Variants in IMMP2L observed in about 807,000 individuals in gnomAD.
The protein encoded by IMMP2L is mitochondrial inner membrane protease subunit 2.
A neutral mutation model predicts 19.3 loss-of-function variants in IMMP2L; 18 were observed. The ratio of observed to expected loss-of-function variants is 0.93; its 90% CI spans 0.64 to 1.38. IMMP2L has a LOEUF of 1.38. Ranked by LOEUF, IMMP2L falls within the 40% of genes most tolerant of loss-of-function variation. The pLI is 0.00. For missense variants in IMMP2L, 233 were observed against 218.2 expected, an observed-to-expected ratio of 1.07 and a Z score of -0.43; for synonymous variants, 76 against 73.0, an observed-to-expected ratio of 1.04 and a Z score of -0.21.
chr7:110,927,377 C>T (rs543418519), intron 4 of IMMP2L, among the ~76,000 whole-genome samples: 12 of 152,138 alleles, frequency 7.9e-5, no homozygotes, highest in African/African-American at 2.9e-4. Context: ...ATTCCTAGAG[C>T]CGGTGAATAT....
At chr7:110,883,966 G>A (rs1809953952) in intron 5 of IMMP2L, among the ~76,000 whole-genome samples, 1 of 151,934 alleles carries the variant, frequency 6.6e-6, no homozygotes, top group African/African-American at 2.4e-5. Flanking sequence ...TAGGAGAACA[G>A]TTCAAATATA....
At chr7:111,215,262 C>T (rs1298255283) in intron 3 of IMMP2L, among the ~76,000 whole-genome samples, 2 of 152,150 alleles carry the variant, frequency 1.3e-5, no homozygotes, top group African/African-American at 4.8e-5. Context: ...GTGAGCCTCC[C>T]ATGCATACTT....
chr7:110,828,687 C>T (rs542429151), intron 5 of IMMP2L, among the ~76,000 whole-genome samples: 3 of 152,094 alleles, frequency 2.0e-5, no homozygotes, highest in Non-Finnish European at 2.9e-5. Context: ...AGATATATCA[C>T]ATGTAAAGTT....
chr7:111,435,764 A>T (rs1449422996), intron 3 of IMMP2L, among the ~76,000 whole-genome samples: 3 of 151,890 alleles, frequency 2.0e-5, no homozygotes, highest in African/African-American at 7.3e-5. Context: ...AGAAGCAGCC[A>T]GCCAATCACA....
At chr7:110,746,850 A>C (rs560061945) in intron 5 of IMMP2L, among the ~76,000 whole-genome samples, 34 of 152,320 alleles carry the variant, frequency 2.2e-4, no homozygotes, top group African/African-American at 7.9e-4. Context: ...GAACTAGAGA[A>C]GCAAGAGCAA....
chr7:111,331,700 T>C (rs571782701), intron 3 of IMMP2L, among the ~76,000 whole-genome samples: 1 of 151,972 alleles, frequency 6.6e-6, no homozygotes, highest in African/African-American at 2.4e-5. Context: ...AATTATCAAT[T>C]TACAATTTTT....
chr7:110,821,458 G>A (rs1584934999), intron 5 of IMMP2L, among the ~76,000 whole-genome samples: 1 of 151,944 alleles, frequency 6.6e-6, no homozygotes, highest in South Asian at 2.1e-4. Context: ...ATGTTAAAGG[G>A]ATTTCACAGA....
At chr7:111,448,442 C>G (rs1213732483) in intron 3 of IMMP2L, among the ~76,000 whole-genome samples, 1 of 151,042 alleles carries the variant, frequency 6.6e-6, no homozygotes, top group South Asian at 2.1e-4. Context: ...ACTGAACAAC[C>G]TGCTCCTGAA....
At chr7:111,017,554 G>C (rs115853491) in intron 3 of IMMP2L, among the ~76,000 whole-genome samples, 1 of 152,138 alleles carries the variant, frequency 6.6e-6, no homozygotes, top group Non-Finnish European at 1.5e-5. Flanking sequence ...CCCACTCCCA[G>C]ATATGGAAAT....
intron 1 of IMMP2L, among the ~76,000 whole-genome samples, chr7:111,529,451 T>C (rs968177369): frequency 6.6e-6 from 1 of 152,180 alleles, no homozygotes; most frequent in African/African-American, 2.4e-5. Context: ...CAATATTTTA[T>C]AAACAGACAC....
At chr7:110,968,234 T>C (rs1819767042) in intron 3 of IMMP2L, among the ~76,000 whole-genome samples, 1 of 151,816 alleles carries the variant, frequency 6.6e-6, no homozygotes, top group African/African-American at 2.4e-5. Context: ...CAAATCTGGC[T>C]TACAGGAATA....
intron 3 of IMMP2L, among the ~76,000 whole-genome samples, chr7:111,219,239 T>C (rs534583967): frequency 1.4e-4 from 22 of 152,174 alleles, no homozygotes; most frequent in African/African-American, 4.8e-4. Context: ...TTTTGAAATC[T>C]AGAATAATGA....
chr7:111,165,484 T>C (rs1805719466), intron 3 of IMMP2L, among the ~76,000 whole-genome samples: 2 of 152,064 alleles, frequency 1.3e-5, no homozygotes. Flanking sequence ...TTTAACTTTT[T>C]GAGGAAATGC....
At chr7:110,950,866 A>ATATATATATG (rs1294842966) in intron 4 of IMMP2L, among the ~76,000 whole-genome samples, 1 of 134,806 alleles carries the variant, frequency 7.4e-6, no homozygotes, top group Non-Finnish European at 1.6e-5. Context: ...ATATATATAT[A>ATATATATATG]TATATGTATA....
At chr7:110,714,160 C>CT (rs541324870) in intron 5 of IMMP2L, among the ~76,000 whole-genome samples, 52 of 152,260 alleles carry the variant, frequency 3.4e-4, no homozygotes, top group Non-Finnish European at 7.4e-4. Context: ...TTATTGAAGG[C>CT]TTTTTCCAAA....
intron 5 of IMMP2L, among the ~76,000 whole-genome samples, chr7:110,793,648 A>C (rs1562979067): frequency 6.6e-6 from 1 of 152,136 alleles, no homozygotes; most frequent in Non-Finnish European, 1.5e-5. Flanking sequence ...AGAATGAGTA[A>C]GTCTAGAGAT....
chr7:111,298,954 G>C (rs1364978921), intron 3 of IMMP2L, among the ~76,000 whole-genome samples: 1 of 152,106 alleles, frequency 6.6e-6, no homozygotes, highest in African/African-American at 2.4e-5. Flanking sequence ...ATGAGTGTCT[G>C]TTATAAGCAA....
At chr7:111,135,556 T>A (rs1362658970) in intron 3 of IMMP2L, among the ~76,000 whole-genome samples, 2 of 152,172 alleles carry the variant, frequency 1.3e-5, no homozygotes. Flanking sequence ...AGAAAATAAT[T>A]TTAATATTAA....
intron 4 of IMMP2L, among the ~76,000 whole-genome samples, chr7:110,918,819 TTTCTC>T (rs1237203793): frequency 2.6e-5 from 4 of 152,188 alleles, no homozygotes; most frequent in African/African-American, 9.7e-5. Context: ...TTAAAAATAA[TTTCTC>T]TAATAATTTT....
Sources: gnomAD v4.1 joint callset for allele counts (sites outside exome capture counted in the v4.1 genomes callset) on GRCh38, gnomAD v4.1.1 for gene constraint, MANE v1.5 for transcripts, NCBI Gene and HGNC (gene_info 2026-07-23, HGNC 2026-07-21) for gene names.